The following GPR137B variants were observed in gnomAD, a reference collection of about 807,000 sequenced individuals.
The protein encoded by GPR137B is integral membrane protein GPR137B.
GPR137B carries 42 observed loss-of-function variants against 42.5 expected under a neutral mutation model. The ratio of observed to expected loss-of-function variants is 0.99; its 90% CI spans 0.77 to 1.28. GPR137B has a LOEUF of 1.28. GPR137B is among the 50% of genes most tolerant of loss of function. GPR137B has a pLI of 0.00. For missense variants in GPR137B, 487 were observed against 493.9 expected (o/e 0.99, Z 0.13); for synonymous variants, 218 against 209.7 (o/e 1.04, Z -0.34).
chr1:236,163,722 G>GT (rs1167283853), intron 1 of GPR137B, among the ~76,000 whole-genome samples: 1 of 152,138 alleles, frequency 6.6e-6, no homozygotes. Flanking sequence ...GCCACCCACT[G>GT]TGATTCTGAG....
intron 2 of GPR137B, among the ~76,000 whole-genome samples, chr1:236,176,167 A>G (rs1420499587): frequency 6.6e-6 from 1 of 152,104 alleles, no homozygotes; most frequent in Non-Finnish European, 1.5e-5. Flanking sequence ...AGGGCCTGTG[A>G]CATGAGAGAG....
At chr1:236,176,527 A>C (rs1662691394) in intron 2 of GPR137B, among the ~76,000 whole-genome samples, 1 of 152,074 alleles carries the variant, frequency 6.6e-6, no homozygotes, top group African/African-American at 2.4e-5. Context: ...CCACTCTCTC[A>C]GCACGAGCCT....
In GPR137B at chr1:236,162,660, C is replaced by T. The variant is rs148458721; in HGVS notation, c.415-6046C>T. On this transcript the variant is annotated intron_variant, in intron 1 of 6. Transcript: ENST00000366592. ...GGCTGAAAGGGGCCAACGTAGAGCT[C>T]GGGCTGTGGCTTCAGAGGGTGGAAG... Among the ~76,000 whole-genome samples, 714 of 152,326 alleles carry T rather than the reference C, an allele frequency of 4.7e-3. 2 individuals carry two copies. The highest frequency in any genetic ancestry group is 0.016 in the African/African-American group (655 of 41,582).
rs145438679 is a variant in GPR137B, at chr1:236,190,727, G to C, written c.966+6821G>C. ...CTCTTTGTCTGATGGGCTTCCCTTT[G>C]TGGGTAACCCGACCTTTCTGTCTAG... is the stretch of plus-strand genomic sequence containing the variant. On this transcript the variant is annotated intron_variant, in intron 5 of 6. Transcript: ENST00000366592. Among the ~76,000 whole-genome samples the C allele has an allele frequency of 2.7e-3, 410 of 152,270 alleles. 4 individuals are homozygous for C. The highest frequency in any genetic ancestry group is 8.8e-3 in the African/African-American group (364 of 41,536).
intron 2 of GPR137B, among the ~76,000 whole-genome samples, chr1:236,175,023 A>G (rs571898899): frequency 1.3e-5 from 2 of 152,218 alleles, no homozygotes; most frequent in Non-Finnish European, 2.9e-5. Flanking sequence ...AGAAACAAGC[A>G]TATTTTCTGA....
At chr1:236,153,188 A>G (rs1431164867) in intron 1 of GPR137B, among the ~76,000 whole-genome samples, 1 of 152,208 alleles carries the variant, frequency 6.6e-6, no homozygotes, top group Non-Finnish European at 1.5e-5. Flanking sequence ...CAGTACATTC[A>G]CAGTATTGCG....
rs751533822 is a variant in GPR137B at position 236,142,958 on chromosome 1, C to A, written c.336C>A (p.Phe112Leu). The stretch of plus-strand genomic sequence containing the variant: ...TGGCGGCCAATTCGCTCAGCCCCTT[C>A]GTCTTCTGGCTGCTCTACTGCTTCC... ...DFVAANSLSP[F>L]VFWLLYCFPV... The change falls in exon 1 of 7, where the codon TTC becomes TTA. Residue 112 changes from phenylalanine (F) to leucine (L), a missense_variant. Coordinates refer to ENST00000366592, the MANE Select transcript of GPR137B (RefSeq NM_003272.4). The A allele has an allele frequency of 3.1e-6, 5 of 1,614,086 alleles. No homozygotes were observed. In the East Asian group the frequency reaches 1.1e-4, roughly 36 times the overall value.
intron 1 of GPR137B, among the ~76,000 whole-genome samples, chr1:236,152,323 AT>A (rs1332754986): frequency 1.3e-5 from 2 of 152,066 alleles, no homozygotes; most frequent in African/African-American, 4.8e-5. Context: ...TTAGCCAAGC[AT>A]AGTGGCATGC....
chr1:236,174,417 G>T (rs186837546), intron 2 of GPR137B, among the ~76,000 whole-genome samples: 1 of 152,296 alleles, frequency 6.6e-6, no homozygotes, highest in African/African-American at 2.4e-5. Context: ...TCCATAGATT[G>T]AGCTGCCTCT....
At chr1:236,161,524 C>T (rs956473866) in intron 1 of GPR137B, among the ~76,000 whole-genome samples, 3 of 152,148 alleles carry the variant, frequency 2.0e-5, no homozygotes, top group African/African-American at 7.2e-5. Context: ...CTTCTCACGC[C>T]TCCCACATCT....
At chr1:236,192,116 C>G (rs1663206405) in intron 5 of GPR137B, among the ~76,000 whole-genome samples, 1 of 152,216 alleles carries the variant, frequency 6.6e-6, no homozygotes, top group South Asian at 2.1e-4. Flanking sequence ...GCTTTGTTTA[C>G]ACTGTGAGGG....
At chr1:236,154,986 G>T (rs541005788) in intron 1 of GPR137B, among the ~76,000 whole-genome samples, 10 of 152,342 alleles carry the variant, frequency 6.6e-5, no homozygotes, top group Admixed American at 1.3e-4. Context: ...GCAATTTGTG[G>T]TTAAGCAGTT....
chr1:236,169,214 G>T (rs1242831715), intron 2 of GPR137B, among the ~76,000 whole-genome samples: 31 of 133,640 alleles, frequency 2.3e-4, no homozygotes, highest in Admixed American at 2.2e-3. Context: ...GCAGGTGCAG[G>T]TACAGGTACA....
At chr1:236,184,730 C>A (rs535835464) in intron 5 of GPR137B, among the ~76,000 whole-genome samples, 24 of 152,090 alleles carry the variant, frequency 1.6e-4, no homozygotes, top group African/African-American at 5.8e-4. Context: ...CATTCTGGTT[C>A]CAGAGTCAAT....
At chr1:236,169,210 G>GCAGGTACAGGTA (rs200459012) in intron 2 of GPR137B, among the ~76,000 whole-genome samples, 12 of 133,284 alleles carry the variant, frequency 9.0e-5, no homozygotes, top group East Asian at 2.1e-4. Context: ...AGGTGCAGGT[G>GCAGGTACAGGTA]CAGGTACAGG....
At chr1:236,202,158 T>C (rs1227678799) in intron 5 of GPR137B, among the ~76,000 whole-genome samples, 1 of 152,038 alleles carries the variant, frequency 6.6e-6, no homozygotes, top group Non-Finnish European at 1.5e-5. Context: ...TGGCAGGGGA[T>C]TGAAGTAGAC....
At chr1:236,168,335 A>G (rs748626924) in intron 1 of GPR137B, among the ~76,000 whole-genome samples, 5 of 151,888 alleles carry the variant, frequency 3.3e-5, no homozygotes, top group Non-Finnish European at 7.4e-5. Context: ...AGGCAGGAAA[A>G]TCACTTGAAC....
chr1:236,195,602 C>A (rs1205297986), intron 5 of GPR137B, among the ~76,000 whole-genome samples: 3 of 152,158 alleles, frequency 2.0e-5, no homozygotes, highest in Admixed American at 6.5e-5. Flanking sequence ...ATCCTGATTT[C>A]CCTTCTTTTG....
intron 5 of GPR137B, among the ~76,000 whole-genome samples, chr1:236,195,305 G>C (rs1232362591): frequency 6.7e-6 from 1 of 150,308 alleles, no homozygotes; most frequent in Non-Finnish European, 1.5e-5. Flanking sequence ...TCTCCTCTCT[G>C]TGTCCATGAG....
Sources: gnomAD v4.1 joint callset for allele counts (sites outside exome capture counted in the v4.1 genomes callset) on GRCh38, gnomAD v4.1.1 for gene constraint, MANE v1.5 for transcripts, NCBI Gene and HGNC (gene_info 2026-07-23, HGNC 2026-07-21) for gene names.